Variants in SLC30A6 observed in about 807,000 individuals in gnomAD.
The protein encoded by SLC30A6 is solute carrier family 30 member 6, also known as zinc transporter 6.
Under a neutral mutation model 63.0 loss-of-function variants are expected in SLC30A6, and 55 were observed. That is an observed-to-expected ratio of 0.87 (90% CI 0.70 to 1.09). The LOEUF is 1.09. Ranked by LOEUF, SLC30A6 falls within the 50% of genes least tolerant of loss-of-function variation. The pLI is 0.00. For synonymous variants in SLC30A6, 224 were observed against 186.1 expected (o/e 1.20, Z -1.66); for missense variants, 587 against 549.2 (o/e 1.07, Z -0.69).
chr2:32,189,341 G>T (rs1258965043), intron 5 of SLC30A6, among the ~76,000 whole-genome samples: 3 of 149,024 alleles, frequency 2.0e-5, no homozygotes, highest in African/African-American at 7.4e-5. Flanking sequence ...GCCCAGGCTG[G>T]AGTGCAGTGG....
rs149947086 is a variant in SLC30A6, at chr2:32,224,317, A to C, written c.*3604A>C. On this transcript the variant is annotated 3_prime_UTR_variant, in exon 14 of 14. Coordinates refer to ENST00000282587, the MANE Select transcript of SLC30A6 (RefSeq NM_017964.5). ...AAGGCGCCGATAATCCTAGTAGGAGAGCTAAGACACAAAACTGTTGCATGT... is the reference window on the plus strand; with the variant it reads ...AAGGCGCCGATAATCCTAGTAGGAGCGCTAAGACACAAAACTGTTGCATGT... 2 of 577,736 alleles carry C rather than the reference A, an allele frequency of 3.5e-6. No individual in the cohort carries two copies. The highest frequency in any genetic ancestry group is 5.7e-5 in the East Asian group (2 of 34,864). 35.8% of individuals were successfully genotyped at this position (577,736 alleles called of 1,614,324 possible). A position where few individuals can be genotyped will look rare whatever the true frequency, so the allele number is the denominator to read the frequency against.
chr2:32,168,996 A>C (rs1184812640), intron 1 of SLC30A6, among the ~76,000 whole-genome samples: 1 of 152,158 alleles, frequency 6.6e-6, no homozygotes, highest in Non-Finnish European at 1.5e-5. Context: ...TGATTCTCTT[A>C]ACCTGAAACT....
At chr2:32,203,160 AT>A in intron 10 of SLC30A6, 1 of 1,253,154 alleles carries the variant, frequency 8.0e-7, no homozygotes, top group Non-Finnish European at 1.2e-6. Context: ...TGGTTTGGAC[AT>A]TCCTGAAGTT....
chr2:32,209,374 T>C (rs1251303753), intron 12 of SLC30A6, 119 bp from the exon 13 acceptor site: 12 of 694,450 alleles, frequency 1.7e-5, no homozygotes, highest in Admixed American at 2.8e-5. Context: ...AGCTAATGAG[T>C]GTCCTTGTGC....
intron 10 of SLC30A6, among the ~76,000 whole-genome samples, chr2:32,201,325 G>A (rs761409252): frequency 6.6e-6 from 1 of 152,152 alleles, no homozygotes; most frequent in Non-Finnish European, 1.5e-5. Flanking sequence ...TTGAATTGTT[G>A]ATGTTGACTA....
At chr2:32,183,043 C>A (rs537418492) in intron 4 of SLC30A6, among the ~76,000 whole-genome samples, 2 of 151,870 alleles carry the variant, frequency 1.3e-5, no homozygotes, top group Admixed American at 6.6e-5. Flanking sequence ...AAAAATTAGC[C>A]GGGCATGGTG....
chr2:32,205,176 T>C (rs57819240), intron 11 of SLC30A6, among the ~76,000 whole-genome samples: 1 of 152,120 alleles, frequency 6.6e-6, no homozygotes, highest in Non-Finnish European at 1.5e-5. Flanking sequence ...ATCCCAGCAC[T>C]TTGGGAGGCC....
intron 12 of SLC30A6, among the ~76,000 whole-genome samples, chr2:32,208,932 A>G (rs1020843424): frequency 2.0e-5 from 3 of 152,232 alleles, no homozygotes; most frequent in African/African-American, 7.2e-5. Context: ...GACAGAGGCC[A>G]CTTTTACCAG....
Position 32,206,942 on chromosome 2 carries a change from G to A in SLC30A6, c.816+9G>A, listed in dbSNP as rs780420872. The A allele has an allele frequency of 6.3e-7, 1 of 1,597,174 alleles. No individual in the cohort carries two copies. Among genetic ancestry groups the A allele is most frequent in the Non-Finnish European group, 8.6e-7 (1 of 1,164,990 alleles). ...ACAAACTCATCAGAGAGGTAAGATG[G>A]AATAGTAAATAAAATCATTTTATTT... On this transcript the variant is annotated intron_variant, in intron 12 of 13. Transcript: ENST00000282587.
chr2:32,224,355 A>T lies in SLC30A6; in HGVS notation c.*3642A>T. On this transcript the variant is annotated 3_prime_UTR_variant, in exon 14 of 14. Coordinates refer to ENST00000282587, the MANE Select transcript of SLC30A6 (RefSeq NM_017964.5). ...AACTGTTGCATGTTTTTAATCATCA[A>T]ATTAAACTTCTTTCCACGTCCTTAT... 1 of 697,990 alleles carries T rather than the reference A, an allele frequency of 1.4e-6. No individual in the cohort carries two copies. The highest frequency in any genetic ancestry group is 2.4e-6 in the Non-Finnish European group (1 of 422,946). The allele number at this position is 697,990 out of a possible 1,614,324, so 43.2% of individuals were successfully genotyped here. A position where few individuals can be genotyped will look rare whatever the true frequency, so the allele number is the denominator to read the frequency against.
intron 11 of SLC30A6, among the ~76,000 whole-genome samples, chr2:32,206,174 C>T (rs1002772605): frequency 3.3e-5 from 5 of 150,960 alleles, no homozygotes; most frequent in South Asian, 2.1e-4. Flanking sequence ...CGGCCGGGCG[C>T]GGTGGCTCAT....
chr2:32,183,484 C>G (rs1310115487), intron 4 of SLC30A6, among the ~76,000 whole-genome samples: 1 of 151,750 alleles, frequency 6.6e-6, no homozygotes, highest in Non-Finnish European at 1.5e-5. Flanking sequence ...GAGTTCAAGA[C>G]CAGCCTGGCC....
chr2:32,182,124 G>C (rs1243160473), intron 4 of SLC30A6, among the ~76,000 whole-genome samples: 1 of 151,540 alleles, frequency 6.6e-6, no homozygotes, highest in Admixed American at 6.6e-5. Context: ...TTGTGGTGAT[G>C]GGGTCTCGAC....
intron 4 of SLC30A6, among the ~76,000 whole-genome samples, chr2:32,178,428 C>A (rs914071381): frequency 6.6e-6 from 1 of 152,102 alleles, no homozygotes; most frequent in Non-Finnish European, 1.5e-5. Flanking sequence ...AATCCCAGCA[C>A]TTTGGGAGGC....
chr2:32,188,879 C>T (rs1683074772), intron 5 of SLC30A6, among the ~76,000 whole-genome samples: 1 of 152,184 alleles, frequency 6.6e-6, no homozygotes, highest in South Asian at 2.1e-4. Flanking sequence ...GGTAATCTGA[C>T]CTCTAACATT....
At chr2:32,209,279 G>A (rs1020292398) in intron 12 of SLC30A6, among the ~76,000 whole-genome samples, 8 of 152,148 alleles carry the variant, frequency 5.3e-5, no homozygotes, top group South Asian at 4.1e-4. Flanking sequence ...AAAGAATTGG[G>A]GCAAGCAAGA....
chr2:32,183,138 G>C (rs1054207482), intron 4 of SLC30A6, among the ~76,000 whole-genome samples: 11 of 152,012 alleles, frequency 7.2e-5, no homozygotes, highest in Non-Finnish European at 1.5e-4. Context: ...AGTGAGCCGA[G>C]ATCGCGCCAT....
intron 4 of SLC30A6, among the ~76,000 whole-genome samples, chr2:32,178,441 AG>A (rs1397324344): frequency 6.6e-6 from 1 of 152,124 alleles, no homozygotes; most frequent in Non-Finnish European, 1.5e-5. Flanking sequence ...TGGGAGGCCA[AG>A]GCAGGTGGAC....
chr2:32,177,776 G>T (rs1452254898), intron 4 of SLC30A6, among the ~76,000 whole-genome samples: 3 of 151,322 alleles, frequency 2.0e-5, no homozygotes, highest in Non-Finnish European at 4.4e-5. Context: ...TTACAGGCAT[G>T]AGCCACCATG....
Sources: gnomAD v4.1 joint callset for allele counts (sites outside exome capture counted in the v4.1 genomes callset) on GRCh38, gnomAD v4.1.1 for gene constraint, MANE v1.5 for transcripts, NCBI Gene and HGNC (gene_info 2026-07-23, HGNC 2026-07-21) for gene names.